SPOCK3: variants seen among roughly 807,000 people sequenced by gnomAD.
The protein encoded by SPOCK3 is testican-3.
A neutral mutation model predicts 56.6 loss-of-function variants in SPOCK3; 30 were observed. The ratio of observed to expected loss-of-function variants is 0.53; its 90% CI spans 0.40 to 0.72. The LOEUF (loss-of-function observed/expected upper bound fraction) is 0.72, where lower values mean the gene tolerates loss of function less well. SPOCK3 is among the 30% of genes least tolerant of loss of function. The probability of loss-of-function intolerance (pLI) is 0.00; values close to 1 mark genes in which losing one functional copy is unlikely to be tolerated. For synonymous variants in SPOCK3, 196 were observed against 183.3 expected (o/e 1.07, Z -0.56); for missense variants, 527 against 530.0 (o/e 0.99, Z 0.06).
At chr4:166,738,345 A>G (rs947490986) in intron 9 of SPOCK3, among the ~76,000 whole-genome samples, 4 of 152,132 alleles carry the variant, frequency 2.6e-5, no homozygotes, top group Non-Finnish European at 5.9e-5. Flanking sequence ...TGTTGTGTGA[A>G]CAACATCTCA....
Position 167,204,896 on chromosome 4 carries a change from G to C in SPOCK3, c.189+29089C>G, listed in dbSNP as rs557699936. ...ACTTGAGTGTAGTGTTACTACCACA[G>C]TTCACTGCACCTTTCGACTCCTGGG... is the stretch of plus-strand genomic sequence containing the variant. On this transcript the variant is annotated intron_variant, in intron 2 of 10. Coordinates refer to ENST00000357545, the MANE Select transcript of SPOCK3 (RefSeq NM_001040159.2). 9.9e-5 allele frequency among the ~76,000 whole-genome samples: 15 copies of C among 150,774 alleles called. No individual in the cohort carries two copies. In the East Asian group the frequency reaches 2.9e-3, roughly 30 times the overall value.
chr4:167,016,862 T>C (rs1055495155), intron 3 of SPOCK3, among the ~76,000 whole-genome samples: 5 of 152,062 alleles, frequency 3.3e-5, no homozygotes, highest in African/African-American at 1.2e-4. Flanking sequence ...TACTTTGAGA[T>C]GCAAAGCTTT....
intron 6 of SPOCK3, among the ~76,000 whole-genome samples, chr4:166,802,453 C>T (rs1742707466): frequency 6.6e-6 from 1 of 152,170 alleles, no homozygotes; most frequent in Non-Finnish European, 1.5e-5. Context: ...AAGGTGCTGG[C>T]AGATTTAGCA....
intron 2 of SPOCK3, among the ~76,000 whole-genome samples, chr4:167,078,174 G>A (rs529742049): frequency 6.6e-6 from 1 of 151,940 alleles, no homozygotes; most frequent in Non-Finnish European, 1.5e-5. Flanking sequence ...ACAAAAAGAT[G>A]GAGATGCAAG....
chr4:166,967,862 C>T (rs1202605064), intron 4 of SPOCK3, among the ~76,000 whole-genome samples: 2 of 152,180 alleles, frequency 1.3e-5, no homozygotes, highest in Admixed American at 1.3e-4. Context: ...AAGTTTGGAA[C>T]TTCCTAGAGA....
At chr4:167,140,620 G>A (rs1480608547) in intron 2 of SPOCK3, among the ~76,000 whole-genome samples, 2 of 152,022 alleles carry the variant, frequency 1.3e-5, no homozygotes, top group Admixed American at 6.6e-5. Context: ...CAACCAGACA[G>A]ATTGTGTATC....
At chr4:166,907,467 G>A (rs1323549133) in intron 5 of SPOCK3, among the ~76,000 whole-genome samples, 2 of 152,088 alleles carry the variant, frequency 1.3e-5, no homozygotes, top group Non-Finnish European at 2.9e-5. Context: ...TACCTGTGAA[G>A]CTTCTTTGCA....
At chr4:167,182,527 G>A (rs761894434) in intron 2 of SPOCK3, among the ~76,000 whole-genome samples, 3 of 150,768 alleles carry the variant, frequency 2.0e-5, no homozygotes, top group African/African-American at 4.9e-5. Context: ...ACAAGTGTTC[G>A]CAAAGCAGTT....
At chr4:167,044,008 C>T (rs767286178) in intron 3 of SPOCK3, among the ~76,000 whole-genome samples, 4 of 151,864 alleles carry the variant, frequency 2.6e-5, no homozygotes, top group South Asian at 2.1e-4. Flanking sequence ...TAAAAAATTG[C>T]GGAGAATTGT....
chr4:167,058,544 A>G (rs2150237266), intron 3 of SPOCK3, among the ~76,000 whole-genome samples: 1 of 152,338 alleles, frequency 6.6e-6, no homozygotes, highest in East Asian at 1.9e-4. Context: ...GTGGGTAGGA[A>G]GAATCAATAT....
chr4:167,097,767 C>T (rs1759288169), intron 2 of SPOCK3, among the ~76,000 whole-genome samples: 1 of 151,732 alleles, frequency 6.6e-6, no homozygotes, highest in Admixed American at 6.6e-5. Flanking sequence ...CAACACTATT[C>T]ACAATAGTAA....
At chr4:167,039,878 G>A (rs969007899) in intron 3 of SPOCK3, among the ~76,000 whole-genome samples, 1 of 152,132 alleles carries the variant, frequency 6.6e-6, no homozygotes, top group African/African-American at 2.4e-5. Flanking sequence ...CTAAATGACA[G>A]CTTGAATATT....
chr4:166,788,135 T>C (rs1204737814), intron 7 of SPOCK3, among the ~76,000 whole-genome samples: 2 of 152,148 alleles, frequency 1.3e-5, no homozygotes, highest in Non-Finnish European at 2.9e-5. Context: ...TGAGCTGAGA[T>C]GGCACCACTG....
chr4:167,068,108 A>C (rs1015852326), intron 2 of SPOCK3, among the ~76,000 whole-genome samples: 3 of 151,734 alleles, frequency 2.0e-5, no homozygotes, highest in Non-Finnish European at 4.4e-5. Context: ...AATAATTATG[A>C]AGATCTAAGG....
intron 3 of SPOCK3, among the ~76,000 whole-genome samples, chr4:167,001,686 T>G (rs1037800718): frequency 2.0e-5 from 3 of 152,042 alleles, no homozygotes; most frequent in African/African-American, 7.2e-5. Context: ...AGGCACTGAG[T>G]GTCCAGATTT....
At chr4:167,095,866 G>T (rs1437026061) in intron 2 of SPOCK3, among the ~76,000 whole-genome samples, 6 of 151,640 alleles carry the variant, frequency 4.0e-5, no homozygotes, top group African/African-American at 1.5e-4. Context: ...ATTAGTAAAT[G>T]CAATGAAATA....
intron 2 of SPOCK3, among the ~76,000 whole-genome samples, chr4:167,150,828 C>T (rs376837202): frequency 6.6e-6 from 1 of 152,206 alleles, no homozygotes; most frequent in Admixed American, 6.5e-5. Flanking sequence ...CTGATACCCA[C>T]GGTCAATATT....
At chr4:167,215,470 A>G (rs1219443049) in intron 2 of SPOCK3, among the ~76,000 whole-genome samples, 2 of 152,138 alleles carry the variant, frequency 1.3e-5, no homozygotes, top group African/African-American at 4.8e-5. Flanking sequence ...AGGAAAACAT[A>G]AAAATAAGTC....
At chr4:166,827,257 T>G (rs1745575194) in intron 6 of SPOCK3, among the ~76,000 whole-genome samples, 1 of 152,022 alleles carries the variant, frequency 6.6e-6, no homozygotes, top group African/African-American at 2.4e-5. Flanking sequence ...TACTCAATCT[T>G]TGACAAGGGA....
Sources: allele counts gnomAD v4.1 joint callset (sites outside exome capture counted in the v4.1 genomes callset), GRCh38; gene constraint gnomAD v4.1.1; transcripts MANE v1.5; gene names NCBI Gene and HGNC (gene_info 2026-07-23, HGNC 2026-07-21).